Variants in SRRM4 observed in about 807,000 individuals in gnomAD.
SRRM4 encodes the protein serine/arginine repetitive matrix protein 4.
In SRRM4, 33 loss-of-function variants were observed where a neutral mutation model predicts 68.9. That is an observed-to-expected ratio of 0.48 (90% CI 0.36 to 0.64). SRRM4 has a LOEUF of 0.64. SRRM4 is among the 30% of genes least tolerant of loss of function. The pLI is 0.00. For synonymous variants in SRRM4, 318 were observed against 318.8 expected (o/e 1.00, Z 0.03); for missense variants, 817 against 827.1 (o/e 0.99, Z 0.15).
chr12:119,019,962 A>G (rs924669008), intron 1 of SRRM4, among the ~76,000 whole-genome samples: 1 of 17,812 alleles, frequency 5.6e-5, no homozygotes, highest in East Asian at 5.4e-4. Flanking sequence ...CCCCCCCCCC[A>G]AAAAAAAATC....
At chr12:119,114,011 T>C (rs958186472) in intron 2 of SRRM4, 2 of 265,182 alleles carry the variant, frequency 7.5e-6, no homozygotes, top group African/African-American at 4.3e-5. Flanking sequence ...TAAATCTATT[T>C]AGGAGTAGTT....
chr12:118,997,646 C>T (rs6490223), intron 1 of SRRM4, among the ~76,000 whole-genome samples: 139,332 of 152,286 alleles, frequency 0.91, 64,132 homozygotes, highest in African/African-American at 0.98. Context: ...GCCTGACACA[C>T]GTCTCCCTGA....
At chr12:119,105,082 T>G (rs1463833805) in intron 2 of SRRM4, among the ~76,000 whole-genome samples, 6 of 150,778 alleles carry the variant, frequency 4.0e-5, no homozygotes, top group Non-Finnish European at 8.8e-5. Flanking sequence ...TGGTTTTCTG[T>G]CCTTGTGATA....
At chr12:119,079,792 C>T (rs1471501291) in intron 1 of SRRM4, among the ~76,000 whole-genome samples, 4 of 152,068 alleles carry the variant, frequency 2.6e-5, no homozygotes, top group Non-Finnish European at 4.4e-5. Flanking sequence ...CTGTTGGGAT[C>T]GCCTAGTCAA....
At chr12:119,021,826 T>C (rs1481682211) in intron 1 of SRRM4, among the ~76,000 whole-genome samples, 1 of 152,218 alleles carries the variant, frequency 6.6e-6, no homozygotes, top group Non-Finnish European at 1.5e-5. Context: ...ATCTAGTCTA[T>C]CATTGATGGG....
Position 118,981,738 on chromosome 12 carries a change from C to A in SRRM4, c.-145C>A. On this transcript the variant is annotated 5_prime_UTR_variant, in exon 1 of 13. Coordinates refer to ENST00000267260, the MANE Select transcript of SRRM4 (RefSeq NM_194286.4). The stretch of plus-strand genomic sequence containing the variant: ...TGCCCGGGCTGGGGCGTCCCATCCC[C>A]CGCCCTGAACTCCGATCTCTCCCAC... 1 of 876,638 alleles carries A rather than the reference C, an allele frequency of 1.1e-6. No individual in the cohort carries two copies. The highest frequency in any genetic ancestry group is 1.7e-6 in the Non-Finnish European group (1 of 591,678). The allele number at this position is 876,638 out of a possible 1,614,324, so 54.3% of individuals were successfully genotyped here. A position where few individuals can be genotyped will look rare whatever the true frequency, so the allele number is the denominator to read the frequency against.
intron 1 of SRRM4, among the ~76,000 whole-genome samples, chr12:119,024,822 A>T (rs928539086): frequency 6.6e-6 from 1 of 151,964 alleles, no homozygotes; most frequent in African/African-American, 2.4e-5. Context: ...GTTTTTCAGG[A>T]CACTCTATCC....
intron 1 of SRRM4, among the ~76,000 whole-genome samples, chr12:119,091,442 G>T (rs1422423395): frequency 6.6e-6 from 1 of 152,124 alleles, no homozygotes; most frequent in Non-Finnish European, 1.5e-5. Context: ...AGGATCCCTT[G>T]CCTTGGCTGT....
intron 1 of SRRM4, among the ~76,000 whole-genome samples, chr12:119,018,277 G>T (rs990316689): frequency 1.3e-5 from 2 of 152,198 alleles, no homozygotes; most frequent in African/African-American, 4.8e-5. Flanking sequence ...GGAAGAAAAG[G>T]GGGGTTTTGG....
Position 119,161,992 on chromosome 12 carries a change from A to G in SRRM4, c.*5194A>G, listed in dbSNP as rs1846266781. Reference sequence around the variant, plus strand: ...CCAAAAAGACTGCAATGGTATTCCTATGTGTTTCTTTGGCCTGTGTATCAG... The same window carrying G: ...CCAAAAAGACTGCAATGGTATTCCTGTGTGTTTCTTTGGCCTGTGTATCAG... On this transcript the variant is annotated 3_prime_UTR_variant, in exon 13 of 13. Transcript: ENST00000267260. The G allele has an allele frequency of 6.6e-6, 1 of 152,076 alleles. No homozygotes were observed. Among genetic ancestry groups the G allele is most frequent in the African/African-American group, 2.4e-5 (1 of 41,446 alleles). 9.4% of individuals were successfully genotyped at this position (152,076 alleles called of 1,614,324 possible). A position where few individuals can be genotyped will look rare whatever the true frequency, so the allele number is the denominator to read the frequency against.
chr12:118,998,142 C>T (rs374737661), intron 1 of SRRM4, among the ~76,000 whole-genome samples: 25 of 152,008 alleles, frequency 1.6e-4, no homozygotes, highest in African/African-American at 5.8e-4. Context: ...CTAAGGGTCA[C>T]GTAGCTTGGT....
At chr12:119,091,727 T>A (rs11611379) in intron 1 of SRRM4, among the ~76,000 whole-genome samples, 206 of 152,238 alleles carry the variant, frequency 1.4e-3, no homozygotes, top group Non-Finnish European at 2.7e-3. Context: ...ATCCGATGGG[T>A]CTACTCACTA....
chr12:119,031,286 A>C (rs991533522), intron 1 of SRRM4: 1 of 152,260 alleles, frequency 6.6e-6, no homozygotes, highest in Admixed American at 6.5e-5. Flanking sequence ...GCTCCTTCAT[A>C]GAACAGCTCA....
intron 1 of SRRM4, among the ~76,000 whole-genome samples, chr12:119,030,617 T>C (rs746412382): frequency 5.3e-5 from 8 of 152,230 alleles, no homozygotes; most frequent in African/African-American, 2.4e-5. Flanking sequence ...AGTCTTTTTC[T>C]CTATGCATAT....
At chr12:119,071,784 T>G (rs991982287) in intron 1 of SRRM4, among the ~76,000 whole-genome samples, 2 of 152,222 alleles carry the variant, frequency 1.3e-5, no homozygotes, top group African/African-American at 4.8e-5. Context: ...CGCACGCCGT[T>G]GTCACTGTTG....
intron 1 of SRRM4, among the ~76,000 whole-genome samples, chr12:119,043,408 G>C (rs1953682326): frequency 6.6e-6 from 1 of 152,118 alleles, no homozygotes; most frequent in Non-Finnish European, 1.5e-5. Flanking sequence ...GGGAGGGGGA[G>C]GGAGAGCATC....
chr12:119,016,125 T>G (rs1953479521), intron 1 of SRRM4, among the ~76,000 whole-genome samples: 1 of 152,150 alleles, frequency 6.6e-6, no homozygotes, highest in Non-Finnish European at 1.5e-5. Flanking sequence ...GTTGGAATGA[T>G]GCTGCCACAA....
intron 1 of SRRM4, among the ~76,000 whole-genome samples, chr12:119,028,494 A>T (rs1329748356): frequency 6.6e-6 from 1 of 152,150 alleles, no homozygotes; most frequent in East Asian, 1.9e-4. Flanking sequence ...GCCATGTGAG[A>T]CATGCCTTTC....
Position 119,120,271 on chromosome 12 carries a change from G to C in SRRM4, c.459G>C (p.Arg153Ser), listed in dbSNP as rs1954211139. The C allele has an allele frequency of 6.5e-7, 1 of 1,549,340 alleles. No homozygotes were observed. The highest frequency in any genetic ancestry group is 8.7e-7 in the Non-Finnish European group (1 of 1,146,318). The change falls in exon 5 of 13, where the codon AGG becomes AGC. Residue 153 changes from arginine to serine, a missense_variant. Physicochemically the swap from Arg to Ser is moderately radical, Grantham distance 110. Coordinates refer to ENST00000267260, the MANE Select transcript of SRRM4 (RefSeq NM_194286.4). ...KRRRSFSKKR[R>S]HSSSSPKSKR... Reference sequence around the variant, plus strand: ...TCAGGTCATTCTCCAAGAAGAGAAGGCACAGGTAAGACTCTTGTTCTCTGA... The same window carrying C: ...TCAGGTCATTCTCCAAGAAGAGAAGCCACAGGTAAGACTCTTGTTCTCTGA...
Sources: allele counts gnomAD v4.1 joint callset (sites outside exome capture counted in the v4.1 genomes callset), GRCh38; gene constraint gnomAD v4.1.1; transcripts MANE v1.5; gene names NCBI Gene and HGNC (gene_info 2026-07-23, HGNC 2026-07-21).